Variants in RAPGEF3 observed in about 807,000 individuals in gnomAD.
RAPGEF3 encodes the protein 9330170P05Rik.
A neutral mutation model predicts 129.8 loss-of-function variants in RAPGEF3; 103 were observed. The ratio of observed to expected loss-of-function variants is 0.79; its 90% CI spans 0.68 to 0.93. The LOEUF is 0.93. Ranked by LOEUF, RAPGEF3 falls within the 40% of genes least tolerant of loss-of-function variation. RAPGEF3 has a pLI of 0.00. For synonymous variants in RAPGEF3, 436 were observed against 482.6 expected, an observed-to-expected ratio of 0.90 and a Z score of 1.26; for missense variants, 1,117 against 1,207.4, an observed-to-expected ratio of 0.93 and a Z score of 1.11.
In RAPGEF3 at chr12:47,741,035, T is replaced by C. The variant is rs1466229739; in HGVS notation, c.1929A>G (p.Pro643=). The C allele has an allele frequency of 2.5e-6, 4 of 1,612,316 alleles. No individual in the cohort carries two copies. Among genetic ancestry groups the C allele is most frequent in the Non-Finnish European group, 3.4e-6 (4 of 1,179,428 alleles). ...CAGTGGGCCCCAGCTGGTCAGGGTG[T>C]GGGATCTGCGGGTGGGAGAGTGCTC... ...VNPQEVHELI[P]HPDQLGPTVG... is the part of the protein sequence containing the mutation. The change falls in exon 20 of 28, where the codon CCA becomes CCG. Residue 643 remains proline (P), a synonymous_variant. Coordinates refer to ENST00000449771, the MANE Select transcript of RAPGEF3 (RefSeq NM_001098531.4).
Position 47,747,704 on chromosome 12 carries a change from CCA to C in RAPGEF3, c.1473+6_1473+7del. 6.2e-7 allele frequency: 1 copy of C among 1,611,444 alleles called. No individual in the cohort carries two copies. The highest frequency in any genetic ancestry group is 2.2e-5 in the East Asian group (1 of 44,822). ...AGCCCAGCCCCGCTGTGCCTCACTCCCAGGTACCTGGAGGAAGCTGGTGGCCA... is the reference window on the plus strand; with the variant it reads ...AGCCCAGCCCCGCTGTGCCTCACTCCGGTACCTGGAGGAAGCTGGTGGCCA... On this transcript the variant is annotated splice_donor_region_variant and intron_variant, in intron 14 of 27. Coordinates refer to ENST00000449771, the MANE Select transcript of RAPGEF3 (RefSeq NM_001098531.4).
chr12:47,749,907 T>A lies in RAPGEF3; in HGVS notation c.817+23A>T. On this transcript the variant is annotated intron_variant, in intron 8 of 27. Transcript: ENST00000449771. This position sits in a 1 kb window ranked among gnomAD's most constrained non-coding sequence, Gnocchi z 4.5. ...CCCATGTCCAGGCCCTGTGCCTGGC[T>A]TCTTATGCCCTGCTGGACTTACACA... The A allele has an allele frequency of 6.2e-7, 1 of 1,614,228 alleles. No homozygotes were observed.
rs1941296506 is a variant in RAPGEF3 at position 47,743,976 on chromosome 12, A to G, written c.1678+11T>C. 2 of 1,587,928 alleles carry G rather than the reference A, an allele frequency of 1.3e-6. No homozygotes were observed. Among genetic ancestry groups the G allele is most frequent in the African/African-American group, 1.3e-5 (1 of 74,284 alleles). ...ATGTCGGGCTGTGCCCAGCCGGCACAGACCACCAACCTTTATCCCCAACTT... is the reference window on the plus strand; with the variant it reads ...ATGTCGGGCTGTGCCCAGCCGGCACGGACCACCAACCTTTATCCCCAACTT... On this transcript the variant is annotated intron_variant, in intron 17 of 27. Transcript: ENST00000449771.
At position 47,743,666 on chromosome 12, in the gene RAPGEF3, G is replaced by A. The variant is rs1184137535; in HGVS notation, c.1689C>T (p.Asp563=). 3.7e-6 allele frequency: 6 copies of A among 1,608,636 alleles called. No individual in the cohort carries two copies. The highest frequency in any genetic ancestry group is 1.7e-5 in the Admixed American group (1 of 59,902). The change falls in exon 18 of 28, where the codon GAC becomes GAT. Residue 563 remains aspartate (D), a synonymous_variant. Coordinates refer to ENST00000449771, the MANE Select transcript of RAPGEF3 (RefSeq NM_001098531.4). Reference sequence around the variant, plus strand: ...ACACTGAGTGGTCTGGCCGGCAGATGTCATAGGGGACTGAAGAGGAGACCA... The same window carrying A: ...ACACTGAGTGGTCTGGCCGGCAGATATCATAGGGGACTGAAGAGGAGACCA... ...AIQVGDKVPY[D]ICRPDHSVLT... is the part of the protein sequence containing the mutation.
rs1002321260 is a variant in RAPGEF3 at position 47,736,421 on chromosome 12, A to T, written c.*1146T>A. 2 of 152,306 alleles carry T rather than the reference A, an allele frequency of 1.3e-5. No homozygotes were observed. The highest frequency in any genetic ancestry group is 2.9e-5 in the Non-Finnish European group (2 of 68,084). The allele number at this position is 152,306 out of a possible 1,614,324, so 9.4% of individuals were successfully genotyped here. On this transcript the variant is annotated 3_prime_UTR_variant, in exon 28 of 28. Coordinates refer to ENST00000449771, the MANE Select transcript of RAPGEF3 (RefSeq NM_001098531.4). ...CCTCCTGCTGCCAGGACTCAGGGCAATAGCAAGGCAAGAGGGTGGAGTCCC... is the reference window on the plus strand; with the variant it reads ...CCTCCTGCTGCCAGGACTCAGGGCATTAGCAAGGCAAGAGGGTGGAGTCCC...
chr12:47,747,711 CCTGGAGGAAG>C lies in RAPGEF3; in HGVS notation c.1464_1473del (p.Ser488ArgfsTer17). On this transcript the variant is annotated frameshift_variant and splice_region_variant, in exon 14 of 28. Transcript: ENST00000449771. LOFTEE classifies it high-confidence loss of function. ...CCCCGCTGTGCCTCACTCCCAGGTA[CCTGGAGGAAG>C]CTGGTGGCCACAGGGTCAGTGTGGA... is the stretch of plus-strand genomic sequence containing the variant. 6.2e-7 allele frequency: 1 copy of C among 1,611,214 alleles called. No homozygotes were observed. The highest frequency in any genetic ancestry group is 8.5e-7 in the Non-Finnish European group (1 of 1,179,146).
rs1941054454 is a variant in RAPGEF3, at chr12:47,740,148, C to A, written c.2366G>T (p.Arg789Met). The change falls in exon 23 of 28, where the codon AGG becomes ATG. Residue 789 changes from arginine (R) to methionine (M), a missense_variant. Transcript: ENST00000449771. ...KVRKLYSALE[R>M]LLDPSWNHRV... ...GCAGGGTGGAGCACTCACCAGCAGC[C>A]TCTCGAGGGCGGAGTACAGCTTCCG... 1 of 1,612,942 alleles carries A rather than the reference C, an allele frequency of 6.2e-7. No homozygotes were observed. The highest frequency in any genetic ancestry group is 1.3e-5 in the African/African-American group (1 of 74,896).
At position 47,738,231 on chromosome 12, in the gene RAPGEF3, G is replaced by A; in HGVS notation, c.2543C>T (p.Ala848Val). ...TCGGCAGTGGTGCAGCATCCGCGCG[G>A]CTCTGGCCATCATTCTCTGCGGACA... ...NFEKMRMMARAARMLHHCRSH... is the reference protein window; with the variant it reads ...NFEKMRMMARVARMLHHCRSH... Residue 848 changes from alanine (A) to valine (V), a missense_variant, in exon 26 of 28, where the codon GCC (alanine) becomes GTC (valine). Physicochemically the swap from Ala to Val is moderately conservative, Grantham distance 64. Transcript: ENST00000449771. 1 of 1,613,496 alleles carries A rather than the reference G, an allele frequency of 6.2e-7. No homozygotes were observed. Among genetic ancestry groups the A allele is most frequent in the Non-Finnish European group, 8.5e-7 (1 of 1,180,006 alleles).
chr12:47,742,516 C>A (rs934030422), intron 18 of RAPGEF3, among the ~76,000 whole-genome samples: 2 of 152,198 alleles, frequency 1.3e-5, no homozygotes, highest in Non-Finnish European at 2.9e-5. Flanking sequence ...GCCCCTAATT[C>A]TTGTCTGCCC....
rs1592570245 is a variant in RAPGEF3 at position 47,752,427 on chromosome 12, TTC to T, written c.220-460_220-459del. On this transcript the variant is annotated intron_variant, in intron 2 of 27. Coordinates refer to ENST00000449771, the MANE Select transcript of RAPGEF3 (RefSeq NM_001098531.4). ...GTCACAGACCTGATCCCCAGCCAGG[TTC>T]TGTGTCCTTCCACAGGCCCATGAGC... 1.7e-5 allele frequency: 3 copies of T among 179,824 alleles called. No homozygotes were observed. In the East Asian group the frequency reaches 4.0e-4, roughly 24 times the overall value. The allele number at this position is 179,824 out of a possible 1,614,324, so 11.1% of individuals were successfully genotyped here. A position where few individuals can be genotyped will look rare whatever the true frequency, so the allele number is the denominator to read the frequency against.
intron 2 of RAPGEF3, 59 bp from the exon 3 acceptor site, chr12:47,752,028 A>G (rs1941783496): frequency 1.3e-6 from 2 of 1,565,222 alleles, no homozygotes; most frequent in African/African-American, 2.7e-5. Context: ...CAGCTCTTGG[A>G]TACCTCCCCT....
intron 18 of RAPGEF3, 116 bp from the exon 19 acceptor site, chr12:47,741,718 G>T (rs1592542074): frequency 1.2e-6 from 1 of 846,930 alleles, no homozygotes; most frequent in Non-Finnish European, 1.9e-6. Context: ...CCTAGTAGCG[G>T]GGTTGAAGTC....
chr12:47,739,120 A>C, intron 24 of RAPGEF3, 23 bp downstream of exon 24: 1 of 1,542,680 alleles, frequency 6.5e-7, no homozygotes, highest in Non-Finnish European at 8.9e-7. Flanking sequence ...GAATGGAGGG[A>C]TGGAGGCAGG....
At chr12:47,739,093 T>C (rs1940977299) in intron 24 of RAPGEF3, 50 bp downstream of exon 24, 1 of 1,381,410 alleles carries the variant, frequency 7.2e-7, no homozygotes, top group Non-Finnish European at 1.0e-6. Context: ...AAATGGGGGA[T>C]GGAGGCAGGA....
Position 47,741,006 on chromosome 12 carries a change from C to T in RAPGEF3, c.1958G>A (p.Gly653Asp), listed in dbSNP as rs1941127953. ...CACCAGGTCCAGCCCCTCAGCAGAGCCCACAGTGGGCCCCAGCTGGTCAGG... is the reference window on the plus strand; with the variant it reads ...CACCAGGTCCAGCCCCTCAGCAGAGTCCACAGTGGGCCCCAGCTGGTCAGG... Reference protein sequence around the residue: ...PHPDQLGPTVGSAEGLDLVSA... With the variant: ...PHPDQLGPTVDSAEGLDLVSA... Residue 653 changes from glycine (G) to aspartate (D), a missense_variant, in exon 20 of 28, where the codon GGC becomes GAC. Physicochemically the swap from Gly to Asp is moderately conservative, Grantham distance 94 (BLOSUM62 -1). Around this residue, in one of 3 missense-constraint regions of RAPGEF3, gnomAD observed 643 missense variants for 673.4 expected, o/e 0.95. Transcript: ENST00000449771. 2 of 1,612,996 alleles carry T rather than the reference C, an allele frequency of 1.2e-6. No homozygotes were observed. Among genetic ancestry groups the T allele is most frequent in the Non-Finnish European group, 8.5e-7 (1 of 1,179,652 alleles).
At position 47,740,329 on chromosome 12, in the gene RAPGEF3, GATGGCCGAGTTGCTGAGGCCAAAC is replaced by G; in HGVS notation, c.2274_2297del (p.Met758_Ala765del). 1.9e-6 allele frequency: 3 copies of G among 1,614,148 alleles called. No homozygotes were observed. Among genetic ancestry groups the G allele is most frequent in the Non-Finnish European group, 2.5e-6 (3 of 1,180,016 alleles). ...CCTCCCAGGTGTGGGCTAGGCGGCT[GATGGCCGAGTTGCTGAGGCCAAAC>G]ATGACGGCAAAGAAGGAATTGAGAT... is the stretch of plus-strand genomic sequence containing the variant. On this transcript the variant is annotated inframe_deletion, in exon 22 of 28. Transcript: ENST00000449771.
intron 23 of RAPGEF3, chr12:47,739,526 CCT>C (rs140295626): frequency 1.4e-3 from 839 of 590,928 alleles, no homozygotes; most frequent in East Asian, 1.8e-3. Flanking sequence ...TGTGTCCCTC[CCT>C]CTCTCTCTCT....
chr12:47,740,362 A>C lies in RAPGEF3; in HGVS notation c.2265T>G (p.Phe755Leu). ...LKEQKNLNSF[F>L]AVMFGLSNSA... ...AGTTGCTGAGGCCAAACATGACGGC[A>C]AAGAAGGAATTGAGATTCTTCTGCT... The change falls in exon 22 of 28, where the codon TTT becomes TTG. Residue 755 changes from phenylalanine (F) to leucine (L), a missense_variant. Physicochemically the swap from Phe to Leu is conservative, Grantham distance 22 (BLOSUM62 0). This residue lies in a region of RAPGEF3 where 643 missense variants were observed against 673.4 expected (regional missense o/e 0.95). Transcript: ENST00000449771. 6.2e-7 allele frequency: 1 copy of C among 1,614,088 alleles called. No individual in the cohort carries two copies. The highest frequency in any genetic ancestry group is 8.5e-7 in the Non-Finnish European group (1 of 1,180,020).
Position 47,737,454 on chromosome 12 carries a change from C to T in RAPGEF3, c.*113G>A, listed in dbSNP as rs115181428. 8.2e-3 allele frequency: 7,249 copies of T among 882,850 alleles called. 332 individuals are homozygous for T. The African/African-American group carries it at 0.1, about 13-fold the overall frequency. The allele number at this position is 882,850 out of a possible 1,614,324, so 54.7% of individuals were successfully genotyped here. A position where few individuals can be genotyped will look rare whatever the true frequency, so the allele number is the denominator to read the frequency against. On this transcript the variant is annotated 3_prime_UTR_variant, in exon 28 of 28. Transcript: ENST00000449771. ...CACTGCCTGCTCCAGGGACTCGAGT[C>T]CACTCCACGGAGAGCCTTGCCCAGC...
Sources: gnomAD v4.1 joint callset for allele counts (sites outside exome capture counted in the v4.1 genomes callset) on GRCh38, gnomAD v4.1.1 for gene constraint, gnomAD v4.1.1 regional missense constraint, Gnocchi (gnomAD v3.1) non-coding constraint, MANE v1.5 for transcripts, NCBI Gene and HGNC (gene_info 2026-07-23, HGNC 2026-07-21) for gene names.